ZNF391: variants seen among roughly 807,000 people sequenced by gnomAD.
The protein encoded by ZNF391 is zinc finger protein 391.
For missense variants in ZNF391, 375 were observed against 425.5 expected (o/e 0.88, Z 1.04); for synonymous variants, 126 against 142.1 (o/e 0.89, Z 0.80).
upstream of ZNF391, among the ~76,000 whole-genome samples, chr6:27,387,838 T>A (rs1183286777): frequency 6.6e-6 from 1 of 152,226 alleles, no homozygotes; most frequent in Non-Finnish European, 1.5e-5. Context: ...AACTTTACTG[T>A]ATGACTTTAA....
In ZNF391 at chr6:27,392,172, T is replaced by C. The variant is rs1034065236; in HGVS notation, c.-188+3097T>C. Among the ~76,000 whole-genome samples, 11 of 152,242 alleles carry C rather than the reference T, an allele frequency of 7.2e-5. 1 individual carries two copies. Among genetic ancestry groups the C allele is most frequent in the African/African-American group, 2.7e-4 (11 of 41,476 alleles). On this transcript the variant is annotated intron_variant, in intron 1 of 2. Transcript: ENST00000244576. ...AAATCCAGATTACCTAGTCAGTGCC[T>C]ATAGCTCTGGGCCTCTATCTGATGT...
Position 27,400,713 on chromosome 6 carries a change from G to GA in ZNF391, c.348dup (p.Ala117SerfsTer3), listed in dbSNP as rs748998520. On this transcript the variant is annotated frameshift_variant, in exon 3 of 3. Coordinates refer to ENST00000244576, the MANE Select transcript of ZNF391 (RefSeq NM_001076781.3). LOFTEE classifies it low-confidence loss of function (END_TRUNC). The stretch of plus-strand genomic sequence containing the variant: ...AAAACCTTGTAAATGCAATGAATGT[G>GA]AAAAAGCCTTTAGTTACCAATCAGA... The GA allele has an allele frequency of 2.5e-6, 4 of 1,613,532 alleles. No individual in the cohort carries two copies.
Position 27,403,204 on chromosome 6 carries a change from A to G in ZNF391, c.*1757A>G, listed in dbSNP as rs1442277164. On this transcript the variant is annotated 3_prime_UTR_variant, in exon 3 of 3. Coordinates refer to ENST00000244576, the MANE Select transcript of ZNF391 (RefSeq NM_001076781.3). ...CCCCAAATGTAAACTTCTTTAACCTAAAGGTCTTTCATAGTTTGATCTACT... is the reference window on the plus strand; with the variant it reads ...CCCCAAATGTAAACTTCTTTAACCTGAAGGTCTTTCATAGTTTGATCTACT... The G allele has an allele frequency of 6.6e-6, 1 of 152,134 alleles. No individual in the cohort carries two copies. Among genetic ancestry groups the G allele is most frequent in the Non-Finnish European group, 1.5e-5 (1 of 68,026 alleles). 9.4% of individuals were successfully genotyped at this position (152,134 alleles called of 1,614,324 possible).
rs1038862659 is a variant in ZNF391 at position 27,401,996 on chromosome 6, G to A, written c.*549G>A. The A allele has an allele frequency of 2.0e-5, 3 of 152,236 alleles. No individual in the cohort carries two copies. The highest frequency in any genetic ancestry group is 6.5e-5 in the Admixed American group (1 of 15,286). The allele number at this position is 152,236 out of a possible 1,614,324, so 9.4% of individuals were successfully genotyped here. A position where few individuals can be genotyped will look rare whatever the true frequency, so the allele number is the denominator to read the frequency against. ...ACTTCTCACCAGTCTGGGGATAATA[G>A]TGTTGAGGCAAATTCATTCTCTTGA... is the stretch of plus-strand genomic sequence containing the variant. On this transcript the variant is annotated 3_prime_UTR_variant, in exon 3 of 3. Transcript: ENST00000244576.
upstream of ZNF391, among the ~76,000 whole-genome samples, chr6:27,383,776 G>A (rs1465033521): frequency 6.6e-6 from 1 of 152,006 alleles, no homozygotes. Context: ...ATTTTGGGGA[G>A]ACACAAACAT....
chr6:27,395,971 C>T (rs917906873), intron 1 of ZNF391, among the ~76,000 whole-genome samples: 1 of 152,168 alleles, frequency 6.6e-6, no homozygotes, highest in Non-Finnish European at 1.5e-5. Flanking sequence ...TCTTCAGAGA[C>T]TTCTGTTGGG....
intron 1 of ZNF391, among the ~76,000 whole-genome samples, chr6:27,396,167 C>T (rs995665744): frequency 3.9e-5 from 6 of 152,076 alleles, no homozygotes; most frequent in Non-Finnish European, 8.8e-5. Flanking sequence ...TACTACCTAC[C>T]TACCTATGAA....
chr6:27,400,313 C>A lies in ZNF391; in HGVS notation c.-58C>A. 7.2e-7 allele frequency: 1 copy of A among 1,391,078 alleles called. No homozygotes were observed. 86.2% of individuals were successfully genotyped at this position (1,391,078 alleles called of 1,614,324 possible). A position where few individuals can be genotyped will look rare whatever the true frequency, so the allele number is the denominator to read the frequency against. On this transcript the variant is annotated 5_prime_UTR_variant, in exon 3 of 3. Transcript: ENST00000244576. The stretch of plus-strand genomic sequence containing the variant: ...TTCAGATAGGGGGATTTGAGCTGAA[C>A]CAAAGCATCAACACCAATCAGACTG...
chr6:27,388,794 C>G lies in ZNF391; in HGVS notation c.-469C>G, dbSNP rs1306301991. On this transcript the variant is annotated 5_prime_UTR_variant, in exon 1 of 3. Transcript: ENST00000244576. ...CTGTTTTGCAACTGGTCGTCCGCGT[C>G]AGGAGACTTAGGTCCAGGCGACTGC... 2 of 416,554 alleles carry G rather than the reference C, an allele frequency of 4.8e-6. No individual in the cohort carries two copies. Among genetic ancestry groups the G allele is most frequent in the Non-Finnish European group, 9.3e-6 (2 of 214,138 alleles). The allele number at this position is 416,554 out of a possible 1,614,324, so 25.8% of individuals were successfully genotyped here.
chr6:27,377,015 C>A (rs1761428920), intron 1 of ZNF391, among the ~76,000 whole-genome samples: 1 of 152,076 alleles, frequency 6.6e-6, no homozygotes, highest in Admixed American at 6.5e-5. Context: ...AGAACACAAC[C>A]TGGCAAGTGA....
intron 1 of ZNF391, among the ~76,000 whole-genome samples, chr6:27,377,937 A>G (rs1210821723): frequency 6.6e-6 from 1 of 152,222 alleles, no homozygotes; most frequent in African/African-American, 2.4e-5. Flanking sequence ...TGTAACGTGT[A>G]TATGTATATT....
chr6:27,398,862 AAAAAC>A (rs1761888176), intron 1 of ZNF391, among the ~76,000 whole-genome samples: 1 of 150,266 alleles, frequency 6.7e-6, no homozygotes. Flanking sequence ...CCATCTCAAA[AAAAAC>A]AAAACAAAAC....
At chr6:27,389,817 A>C (rs995297391) in intron 1 of ZNF391, among the ~76,000 whole-genome samples, 6 of 63,976 alleles carry the variant, frequency 9.4e-5, no homozygotes, top group African/African-American at 3.1e-4. Flanking sequence ...TCCCCCCCAA[A>C]AAAGAGAAGT....
Position 27,400,984 on chromosome 6 carries a change from G to C in ZNF391, c.614G>C (p.Ser205Thr), listed in dbSNP as rs769762016. The change falls in exon 3 of 3, where the codon AGC (serine) becomes ACC (threonine). Residue 205 changes from serine to threonine, a missense_variant. Coordinates refer to ENST00000244576, the MANE Select transcript of ZNF391 (RefSeq NM_001076781.3). ...CSECGKAFSR[S>T]TNLSQHQRTH... Reference sequence around the variant, plus strand: ...GAATGTGGAAAAGCCTTTAGCCGAAGCACTAACCTTAGTCAGCATCAGCGA... The same window carrying C: ...GAATGTGGAAAAGCCTTTAGCCGAACCACTAACCTTAGTCAGCATCAGCGA... The C allele has an allele frequency of 9.3e-6, 15 of 1,614,068 alleles. No individual in the cohort carries two copies. Among genetic ancestry groups the C allele is most frequent in the Non-Finnish European group, 8.5e-7 (1 of 1,180,042 alleles).
upstream of ZNF391, chr6:27,388,646 G>C (rs1010013320): frequency 6.3e-6 from 2 of 315,960 alleles, no homozygotes; most frequent in Non-Finnish European, 6.1e-6. Flanking sequence ...GCATACCAGG[G>C]GAGGGGCTTT....
Position 27,400,589 on chromosome 6 carries a change from A to C in ZNF391, c.219A>C (p.Ala73=), listed in dbSNP as rs1761928193. 1 of 1,614,112 alleles carries C rather than the reference A, an allele frequency of 6.2e-7. No homozygotes were observed. Among genetic ancestry groups the C allele is most frequent in the African/African-American group, 1.3e-5 (1 of 74,942 alleles). Residue 73 remains alanine, a synonymous_variant, in exon 3 of 3, where the codon GCA becomes GCC. Coordinates refer to ENST00000244576, the MANE Select transcript of ZNF391 (RefSeq NM_001076781.3). ...TTAGTCTAAGCCCAAACCTTGACGC[A>C]CAACAGAAAATTCCAAAGGGACATG... ...SEFSLSPNLD[A]QQKIPKGHGS... is the part of the protein sequence containing the mutation.
chr6:27,398,027 G>A (rs961339733), intron 1 of ZNF391, among the ~76,000 whole-genome samples: 4 of 152,188 alleles, frequency 2.6e-5, no homozygotes, highest in Non-Finnish European at 5.9e-5. Flanking sequence ...TCAGTTGAAA[G>A]CCATGTTCTT....
intron 1 of ZNF391, 68 bp downstream of exon 1, chr6:27,389,143 G>T (rs1488772305): frequency 8.8e-6 from 4 of 456,548 alleles, no homozygotes; most frequent in African/African-American, 8.0e-5. Flanking sequence ...CGAAAGGGTC[G>T]CGTGTGGTTT....
At chr6:27,388,687 A>G (rs1761623996), upstream of ZNF391, 1 of 324,746 alleles carries the variant, frequency 3.1e-6, no homozygotes, top group Admixed American at 4.9e-5. Context: ...GAATCCCAGC[A>G]CAGCCCTGCT....
Sources: allele counts gnomAD v4.1 joint callset (sites outside exome capture counted in the v4.1 genomes callset), GRCh38; gene constraint gnomAD v4.1.1; transcripts MANE v1.5; gene names NCBI Gene and HGNC (gene_info 2026-07-23, HGNC 2026-07-21).